Variants in EVA1C observed in about 807,000 individuals in gnomAD.
EVA1C encodes protein eva-1 homolog C.
EVA1C carries 25 observed loss-of-function variants against 45.4 expected under a neutral mutation model. The ratio of observed to expected loss-of-function variants is 0.55; its 90% CI spans 0.40 to 0.77. The LOEUF (loss-of-function observed/expected upper bound fraction) is 0.77, where lower values mean the gene tolerates loss of function less well. EVA1C is among the 30% of genes least tolerant of loss of function. EVA1C has a pLI of 0.00. For missense variants in EVA1C, 479 were observed against 554.8 expected, an observed-to-expected ratio of 0.86 and a Z score of 1.37; for synonymous variants, 190 against 221.2, an observed-to-expected ratio of 0.86 and a Z score of 1.25.
intron 4 of EVA1C, chr21:32,473,772 C>T (rs929839148): frequency 1.2e-4 from 25 of 216,236 alleles, no homozygotes; most frequent in African/African-American, 5.9e-4. Flanking sequence ...CCAAGTGCAG[C>T]CTTCATGTAT....
chr21:32,507,557 T>C (rs1250660933), intron 7 of EVA1C, among the ~76,000 whole-genome samples: 1 of 151,518 alleles, frequency 6.6e-6, no homozygotes, highest in East Asian at 1.9e-4. Context: ...TATGTATGCG[T>C]GTTTTTGTGT....
intron 1 of EVA1C, among the ~76,000 whole-genome samples, chr21:32,433,484 C>T (rs982065031): frequency 1.3e-5 from 2 of 152,116 alleles, no homozygotes; most frequent in Admixed American, 6.5e-5. Flanking sequence ...ATGTGTCACT[C>T]CCTCGTCTTT....
intron 3 of EVA1C, among the ~76,000 whole-genome samples, chr21:32,462,515 C>T (rs1295527514): frequency 6.6e-6 from 1 of 152,242 alleles, no homozygotes; most frequent in Non-Finnish European, 1.5e-5. Flanking sequence ...CCTTCCTCTG[C>T]CCACCTTTGA....
intron 4 of EVA1C, among the ~76,000 whole-genome samples, chr21:32,472,926 G>T (rs971171692): frequency 6.6e-6 from 1 of 152,304 alleles, no homozygotes; most frequent in East Asian, 1.9e-4. Flanking sequence ...ACGTGCAAGG[G>T]TGAGGACCAG....
At chr21:32,511,186 C>T (rs1171949268) in intron 7 of EVA1C, among the ~76,000 whole-genome samples, 2 of 152,064 alleles carry the variant, frequency 1.3e-5, no homozygotes, top group Non-Finnish European at 2.9e-5. Context: ...GAAGCTGAGG[C>T]GGGCAGATCA....
intron 5 of EVA1C, 24 bp from the exon 6 acceptor site, chr21:32,501,391 A>G (rs748479622): frequency 6.3e-7 from 1 of 1,579,972 alleles, no homozygotes; most frequent in South Asian, 1.1e-5. Flanking sequence ...CACGAATTTA[A>G]AATATTTCTT....
At chr21:32,422,174 A>G (rs1012142659) in intron 1 of EVA1C, among the ~76,000 whole-genome samples, 13 of 152,212 alleles carry the variant, frequency 8.5e-5, no homozygotes, top group African/African-American at 2.9e-4. Flanking sequence ...ATCTACTAAC[A>G]TGAAAAATAT....
chr21:32,472,166 T>G (rs181803749), intron 4 of EVA1C, among the ~76,000 whole-genome samples: 160 of 152,294 alleles, frequency 1.1e-3, no homozygotes, highest in African/African-American at 3.8e-3. Context: ...TTTATTTATT[T>G]ATTTATTTTT....
chr21:32,484,934 T>G (rs969603653), intron 4 of EVA1C, among the ~76,000 whole-genome samples: 4 of 151,992 alleles, frequency 2.6e-5, no homozygotes, highest in African/African-American at 9.7e-5. Context: ...AGAAACTTCC[T>G]TGTTTGCCGA....
At chr21:32,414,269 G>A (rs772275654) in intron 1 of EVA1C, among the ~76,000 whole-genome samples, 1 of 152,118 alleles carries the variant, frequency 6.6e-6, no homozygotes, top group Non-Finnish European at 1.5e-5. Flanking sequence ...TAAGAGTTGT[G>A]GGGAAATGCA....
intron 2 of EVA1C, among the ~76,000 whole-genome samples, chr21:32,455,354 T>C (rs1372297208): frequency 1.3e-5 from 2 of 152,198 alleles, no homozygotes; most frequent in Non-Finnish European, 2.9e-5. Flanking sequence ...AATCCATTCA[T>C]AAGGGTGAAG....
chr21:32,501,564 T>C (rs1400191010), intron 6 of EVA1C, 69 bp downstream of exon 6: 14 of 1,573,538 alleles, frequency 8.9e-6, no homozygotes, highest in East Asian at 4.5e-5. Flanking sequence ...GTGACCACAG[T>C]TGGGCACACC....
At chr21:32,457,839 C>G (rs1322358187) in intron 3 of EVA1C, 119 bp downstream of exon 3, 1 of 1,096,416 alleles carries the variant, frequency 9.1e-7, no homozygotes, top group Non-Finnish European at 1.3e-6. Flanking sequence ...TTAACAGACA[C>G]ATTGGGCTCC....
rs1239650400 is a variant in EVA1C, at chr21:32,472,455, C to T, written c.634+4607C>T. On this transcript the variant is annotated intron_variant, in intron 4 of 7. Transcript: ENST00000300255. ...GATTACAGGTGTGAGCCACTGCGCCCGGCTGAGAGTTGGATTTAAAAAGGA... is the reference window on the plus strand; with the variant it reads ...GATTACAGGTGTGAGCCACTGCGCCTGGCTGAGAGTTGGATTTAAAAAGGA... 4.6e-5 allele frequency among the ~76,000 whole-genome samples: 7 copies of T among 152,170 alleles called. No individual in the cohort carries two copies. In the East Asian group the frequency reaches 7.7e-4, roughly 17 times the overall value.
chr21:32,467,279 A>G (rs915120084), intron 3 of EVA1C, among the ~76,000 whole-genome samples: 40 of 152,200 alleles, frequency 2.6e-4, no homozygotes, highest in African/African-American at 9.4e-4. Context: ...GCTTCTTTCA[A>G]GTAATTTCTG....
chr21:32,483,907 T>C (rs570132833), intron 4 of EVA1C, among the ~76,000 whole-genome samples: 135 of 152,070 alleles, frequency 8.9e-4, no homozygotes, highest in Non-Finnish European at 9.4e-4. Context: ...GCCGTAGACG[T>C]CCTTCATGAA....
chr21:32,468,442 A>G (rs544972712), intron 4 of EVA1C, among the ~76,000 whole-genome samples: 2 of 60,978 alleles, frequency 3.3e-5, no homozygotes, highest in East Asian at 1.4e-3. Flanking sequence ...AAACACTAAG[A>G]ATAGTACCCA....
At chr21:32,441,497 CAGA>C (rs59751511) in intron 1 of EVA1C, among the ~76,000 whole-genome samples, 10,298 of 151,680 alleles carry the variant, frequency 0.068, 917 homozygotes, top group African/African-American at 0.2. Flanking sequence ...AGGAGAATGG[CAGA>C]AGATGAGGTT....
At chr21:32,412,638 A>G (rs1057121023), upstream of EVA1C, 2 of 413,966 alleles carry the variant, frequency 4.8e-6, no homozygotes, top group Admixed American at 4.5e-5. Flanking sequence ...CTTTTCGGGG[A>G]TCCTCGCCCC....
Sources: gnomAD v4.1 joint callset for allele counts (sites outside exome capture counted in the v4.1 genomes callset) on GRCh38, gnomAD v4.1.1 for gene constraint, MANE v1.5 for transcripts, NCBI Gene and HGNC (gene_info 2026-07-23, HGNC 2026-07-21) for gene names.